The following SLC22A25 variants were observed in gnomAD, a reference collection of about 807,000 sequenced individuals.
SLC22A25 encodes the protein solute carrier family 22 member 25, also known as MGI:2442751, MGI:2385316, MGI:3042283, MGI:3645714, MGI:3605624, MGI:2442750.
SLC22A25 carries 44 observed loss-of-function variants against 45.9 expected under a neutral mutation model. The ratio of observed to expected loss-of-function variants is 0.96; its 90% confidence interval spans 0.75 to 1.23. The LOEUF (loss-of-function observed/expected upper bound fraction) is 1.23. SLC22A25 is among the 50% of genes most tolerant of loss of function. The pLI is 0.00. For missense variants in SLC22A25, 800 were observed against 666.4 expected, an observed-to-expected ratio of 1.20 and a Z score of -2.21; for synonymous variants, 283 against 238.6, an observed-to-expected ratio of 1.19 and a Z score of -1.72.
At chr11:63,168,941 G>GA (rs1191174055) in intron 9 of SLC22A25, among the ~76,000 whole-genome samples, 1 of 152,100 alleles carries the variant, frequency 6.6e-6, no homozygotes, top group African/African-American at 2.4e-5. Flanking sequence ...ACCTACAAAG[G>GA]AAAGTCCATC....
rs2090190674 is a variant in SLC22A25 at position 63,237,924 on chromosome 11, A to G, written c.-488T>C. 6.6e-6 allele frequency: 1 copy of G among 152,240 alleles called. No individual in the cohort carries two copies. Among genetic ancestry groups the G allele is most frequent in the Non-Finnish European group, 1.5e-5 (1 of 68,044 alleles). 9.4% of individuals were successfully genotyped at this position (152,240 alleles called of 1,614,324 possible). ...ACAGAGATGCTCATCTGTCTGATAAATGGCCATATTGGATGCCTTTCACCA... is the reference window on the plus strand; with the variant it reads ...ACAGAGATGCTCATCTGTCTGATAAGTGGCCATATTGGATGCCTTTCACCA... On this transcript the variant is annotated 5_prime_UTR_variant, in exon 3 of 12. Transcript: ENST00000306494.
At chr11:63,188,559 G>C (rs746947533) in intron 7 of SLC22A25, among the ~76,000 whole-genome samples, 16 of 152,232 alleles carry the variant, frequency 1.1e-4, no homozygotes, top group Admixed American at 5.2e-4. Flanking sequence ...GTTCTGCTCT[G>C]ATCTTAGTTA....
At chr11:63,171,754 A>G (rs986562860) in intron 9 of SLC22A25, among the ~76,000 whole-genome samples, 4 of 152,228 alleles carry the variant, frequency 2.6e-5, no homozygotes, top group East Asian at 1.9e-4. Flanking sequence ...TATAGATTCA[A>G]TGCTATTCCT....
intron 7 of SLC22A25, among the ~76,000 whole-genome samples, chr11:63,214,155 C>T (rs61928158): frequency 0.37 from 55,873 of 151,904 alleles, 10,588 homozygotes; most frequent in East Asian, 0.56. Flanking sequence ...ATTCAAAACC[C>T]TCTGGTGGGT....
intron 7 of SLC22A25, among the ~76,000 whole-genome samples, chr11:63,215,290 G>C (rs1039227372): frequency 1.3e-5 from 2 of 152,154 alleles, no homozygotes; most frequent in African/African-American, 4.8e-5. Flanking sequence ...CAGGGACATG[G>C]ATTAAGCTGG....
Position 63,180,742 on chromosome 11 carries a change from C to T in SLC22A25, c.988G>A (p.Ala330Thr), listed in dbSNP as rs778026739. 6.8e-6 allele frequency: 11 copies of T among 1,613,128 alleles called. No individual in the cohort carries two copies. In the South Asian group the frequency reaches 9.9e-5, roughly 15 times the overall value. ...CAAAGAGAATGCTTTTTCTGTGCTG[C>T]CTCCAGTTCTTGCTTCATGGTGGAT... ...LKSTMKQELEAAQKKHSLCEL... is the reference protein window; with the variant it reads ...LKSTMKQELETAQKKHSLCEL... Residue 330 changes from alanine (A) to threonine (T), a missense_variant, in exon 9 of 12, where the codon GCA (alanine) becomes ACA (threonine). Ala to Thr is a moderately conservative substitution (Grantham distance 58, BLOSUM62 0). Transcript: ENST00000306494.
Position 63,200,019 on chromosome 11 carries a change from TAAC to T in SLC22A25, c.831-16205_831-16203del, listed in dbSNP as rs1013412595. Among the ~76,000 whole-genome samples the T allele has an allele frequency of 6.8e-4, 103 of 152,010 alleles. 1 individual carries two copies. Among genetic ancestry groups the T allele is most frequent in the Non-Finnish European group, 5.7e-4 (39 of 67,962 alleles). On this transcript the variant is annotated intron_variant, in intron 7 of 11. Transcript: ENST00000306494. The stretch of plus-strand genomic sequence containing the variant: ...GACAAGTGAGTTTGTTTCTCACACA[TAAC>T]AACCAAAAAAAGCCCAGGACCTGAT...
intron 1 of SLC22A25, among the ~76,000 whole-genome samples, chr11:63,239,799 C>G (rs1196942703): frequency 6.6e-6 from 1 of 152,144 alleles, no homozygotes; most frequent in Non-Finnish European, 1.5e-5. Flanking sequence ...TTGATTTATT[C>G]ACACTGCATT....
chr11:63,238,336 A>T (rs1016121128), intron 2 of SLC22A25, among the ~76,000 whole-genome samples: 1 of 152,216 alleles, frequency 6.6e-6, no homozygotes, highest in Admixed American at 6.5e-5. Context: ...TTATCACTGC[A>T]GACCTTCTCC....
At chr11:63,235,375 C>G (rs1321971837) in intron 3 of SLC22A25, among the ~76,000 whole-genome samples, 3 of 152,176 alleles carry the variant, frequency 2.0e-5, no homozygotes, top group Admixed American at 6.5e-5. Context: ...AACTTCTCTT[C>G]ACGCTACATT....
intron 3 of SLC22A25, among the ~76,000 whole-genome samples, chr11:63,235,338 C>T (rs1025936329): frequency 6.6e-6 from 1 of 152,116 alleles, no homozygotes; most frequent in African/African-American, 2.4e-5. Context: ...AGGCTTTGTT[C>T]ATTTGTTTTT....
intron 3 of SLC22A25, among the ~76,000 whole-genome samples, chr11:63,231,239 A>G (rs200186697): frequency 6.6e-6 from 1 of 152,336 alleles, no homozygotes; most frequent in East Asian, 1.9e-4. Flanking sequence ...GTGTTCCACA[A>G]TGGTTGAACT....
At chr11:63,210,964 A>T (rs973647721) in intron 7 of SLC22A25, among the ~76,000 whole-genome samples, 1 of 152,146 alleles carries the variant, frequency 6.6e-6, no homozygotes, top group Non-Finnish European at 1.5e-5. Flanking sequence ...ATGACCCTGG[A>T]GATAGAGGTG....
At chr11:63,202,008 G>T (rs1362435285) in intron 7 of SLC22A25, among the ~76,000 whole-genome samples, 1 of 152,120 alleles carries the variant, frequency 6.6e-6, no homozygotes, top group African/African-American at 2.4e-5. Flanking sequence ...GCAGAAGCAG[G>T]TTGGGACATC....
At chr11:63,202,254 T>G (rs556884747) in intron 7 of SLC22A25, among the ~76,000 whole-genome samples, 18 of 152,142 alleles carry the variant, frequency 1.2e-4, no homozygotes, top group African/African-American at 4.1e-4. Context: ...GCAGGAGTTT[T>G]TTTTTTTTTA....
chr11:63,223,752 T>C (rs2089902205), intron 5 of SLC22A25, among the ~76,000 whole-genome samples: 2 of 152,160 alleles, frequency 1.3e-5, no homozygotes, highest in Non-Finnish European at 2.9e-5. Flanking sequence ...TAGGCACTTA[T>C]AGCTCTAAAC....
chr11:63,221,356 T>C (rs564401671), intron 5 of SLC22A25, among the ~76,000 whole-genome samples: 64 of 152,296 alleles, frequency 4.2e-4, no homozygotes. Context: ...GTAGTTTTGA[T>C]TTGCATTTTT....
chr11:63,220,455 G>C (rs1009168097), intron 5 of SLC22A25, among the ~76,000 whole-genome samples: 2 of 152,076 alleles, frequency 1.3e-5, no homozygotes, highest in Non-Finnish European at 2.9e-5. Flanking sequence ...TCCAAACTCT[G>C]TCTTTGGAAA....
intron 7 of SLC22A25, among the ~76,000 whole-genome samples, chr11:63,187,478 A>T (rs2088605400): frequency 6.6e-6 from 1 of 152,214 alleles, no homozygotes; most frequent in South Asian, 2.1e-4. Context: ...ATATACAATC[A>T]TGTCATCTGC....
Sources: gnomAD v4.1 joint callset for allele counts (sites outside exome capture counted in the v4.1 genomes callset) on GRCh38, gnomAD v4.1.1 for gene constraint, MANE v1.5 for transcripts, NCBI Gene and HGNC (gene_info 2026-07-23, HGNC 2026-07-21) for gene names.